SH3RF3: variants seen among roughly 807,000 people sequenced by gnomAD.
SH3RF3 encodes the protein E3 ubiquitin-protein ligase SH3RF3.
In SH3RF3, 29 loss-of-function variants were observed where a neutral mutation model predicts 66.3. The observed-to-expected ratio is 0.44, with a 90% CI of 0.33 to 0.60. The LOEUF (loss-of-function observed/expected upper bound fraction) is 0.60, where lower values mean the gene tolerates loss of function less well. Among genes scored for constraint, SH3RF3 ranks in the 20% least tolerant of loss-of-function variants. The pLI is 0.04. For missense variants in SH3RF3, 1,194 were observed against 1,190.9 expected (o/e 1.00, Z -0.04); for synonymous variants, 583 against 532.0 (o/e 1.10, Z -1.32).
At chr2:109,402,327 C>T (rs970978463) in intron 4 of SH3RF3, among the ~76,000 whole-genome samples, 1 of 152,264 alleles carries the variant, frequency 6.6e-6, no homozygotes, top group Non-Finnish European at 1.5e-5. Context: ...GATTCTCTTC[C>T]CCACCATGCT....
intron 1 of SH3RF3, among the ~76,000 whole-genome samples, chr2:109,237,342 C>T (rs910636749): frequency 4.6e-5 from 7 of 151,708 alleles, no homozygotes; most frequent in Non-Finnish European, 1.0e-4. Flanking sequence ...AAGAGGTACA[C>T]ATTGAAAAAA....
At chr2:109,199,333 TGGA>T (rs1431784235) in intron 1 of SH3RF3, among the ~76,000 whole-genome samples, 3 of 168 alleles carry the variant, frequency 0.018, no homozygotes, top group Non-Finnish European at 0.12. Flanking sequence ...AAAAGTAAAA[TGGA>T]ATGGAATGGA....
At chr2:109,441,910 A>G (rs570835393) in intron 7 of SH3RF3, among the ~76,000 whole-genome samples, 1 of 152,336 alleles carries the variant, frequency 6.6e-6, no homozygotes, top group Admixed American at 6.5e-5. Context: ...TGAAAGAAAT[A>G]TAGCTGTCAA....
At chr2:109,497,881 G>T (rs554223429) in intron 9 of SH3RF3, among the ~76,000 whole-genome samples, 26 of 152,378 alleles carry the variant, frequency 1.7e-4, no homozygotes, top group African/African-American at 6.0e-4. Flanking sequence ...CAAAGTCTGA[G>T]AAATCATCTC....
chr2:109,345,370 G>T (rs1232932751), intron 1 of SH3RF3, among the ~76,000 whole-genome samples: 3 of 152,172 alleles, frequency 2.0e-5, no homozygotes, highest in African/African-American at 7.2e-5. Flanking sequence ...CGAGCCGGCC[G>T]CAGAAGGGAG....
At chr2:109,240,839 C>T (rs1679761640) in intron 1 of SH3RF3, among the ~76,000 whole-genome samples, 1 of 150,666 alleles carries the variant, frequency 6.6e-6, no homozygotes, top group East Asian at 2.0e-4. Flanking sequence ...GGACTCCTGA[C>T]ACCCCCACCC....
chr2:109,497,557 A>G lies in SH3RF3; in HGVS notation c.2481-3946A>G, dbSNP rs191476304. ...GCAGGGCAGAGTTGCTTGCTGATTT[A>G]TGACGCACAGTTGTGACCTGGGAGT... On this transcript the variant is annotated intron_variant, in intron 9 of 9. Coordinates refer to ENST00000309415, the MANE Select transcript of SH3RF3 (RefSeq NM_001099289.3). Among the ~76,000 whole-genome samples the G allele has an allele frequency of 1.6e-3, 251 of 152,348 alleles. 1 individual carries two copies. Among genetic ancestry groups the G allele is most frequent in the Admixed American group, 2.4e-3 (36 of 15,310 alleles).
rs182603422 is a variant in SH3RF3 at position 109,424,048 on chromosome 2, G to C, written c.1403+4406G>C. 2.4e-3 allele frequency among the ~76,000 whole-genome samples: 369 copies of C among 152,316 alleles called. 2 individuals carry two copies. The highest frequency in any genetic ancestry group is 4.3e-3 in the Non-Finnish European group (294 of 68,020). ...TGGAGGGAAGGAGCTGCAGGCCCTG[G>C]TGGTGGCAGCACATCCCCACCGGTA... is the stretch of plus-strand genomic sequence containing the variant. On this transcript the variant is annotated intron_variant, in intron 5 of 9. Coordinates refer to ENST00000309415, the MANE Select transcript of SH3RF3 (RefSeq NM_001099289.3).
At chr2:109,402,938 A>G (rs529777661) in intron 4 of SH3RF3, among the ~76,000 whole-genome samples, 1 of 151,784 alleles carries the variant, frequency 6.6e-6, no homozygotes, top group South Asian at 2.1e-4. Context: ...TGGAGTGGAG[A>G]TGGGCTGCTT....
At chr2:109,266,235 G>A (rs1680489654) in intron 1 of SH3RF3, among the ~76,000 whole-genome samples, 1 of 151,516 alleles carries the variant, frequency 6.6e-6, no homozygotes, top group Non-Finnish European at 1.5e-5. Flanking sequence ...TGTGTATTCA[G>A]TGTGTTGTGT....
intron 1 of SH3RF3, among the ~76,000 whole-genome samples, chr2:109,178,180 A>G (rs941649676): frequency 6.6e-6 from 1 of 152,226 alleles, no homozygotes; most frequent in Non-Finnish European, 1.5e-5. Flanking sequence ...TGAGGCACCA[A>G]TGTACCAAAC....
Position 109,152,182 on chromosome 2 carries a change from G to A in SH3RF3, c.573+22069G>A, listed in dbSNP as rs374407581. Among the ~76,000 whole-genome samples the A allele has an allele frequency of 2.2e-3, 338 of 152,276 alleles. 1 individual carries two copies. Among genetic ancestry groups the A allele is most frequent in the Middle Eastern group, 6.8e-3 (2 of 294 alleles). On this transcript the variant is annotated intron_variant, in intron 1 of 9. Coordinates refer to ENST00000309415, the MANE Select transcript of SH3RF3 (RefSeq NM_001099289.3). Reference sequence around the variant, plus strand: ...TTTCTTCCTAGGAAAAGTGCTCAGCGTCTTAGAAATAAATTATCACAAAAC... The same window carrying A: ...TTTCTTCCTAGGAAAAGTGCTCAGCATCTTAGAAATAAATTATCACAAAAC...
chr2:109,154,111 C>T (rs1214049901), intron 1 of SH3RF3, among the ~76,000 whole-genome samples: 5 of 152,118 alleles, frequency 3.3e-5, no homozygotes, highest in African/African-American at 4.8e-5. Context: ...AGACTTTTAT[C>T]TCGTGTGTTT....
chr2:109,318,131 A>T (rs1681930325), intron 1 of SH3RF3, among the ~76,000 whole-genome samples: 1 of 151,872 alleles, frequency 6.6e-6, no homozygotes, highest in African/African-American at 2.4e-5. Flanking sequence ...AAGCAGAAAA[A>T]CCATTCTAGG....
At chr2:109,261,670 G>A (rs903777803) in intron 1 of SH3RF3, among the ~76,000 whole-genome samples, 2 of 152,186 alleles carry the variant, frequency 1.3e-5, no homozygotes, top group African/African-American at 2.4e-5. Flanking sequence ...GCCCCATGAC[G>A]ACAGGTAAAG....
At chr2:109,365,422 T>C (rs1683136174) in intron 2 of SH3RF3, among the ~76,000 whole-genome samples, 1 of 152,214 alleles carries the variant, frequency 6.6e-6, no homozygotes, top group Non-Finnish European at 1.5e-5. Flanking sequence ...ATTTCCCTAT[T>C]GATCTCTTCA....
At chr2:109,200,714 A>G (rs1678649869) in intron 1 of SH3RF3, among the ~76,000 whole-genome samples, 1 of 152,116 alleles carries the variant, frequency 6.6e-6, no homozygotes, top group South Asian at 2.1e-4. Context: ...TCACCTGCTC[A>G]CAGGCTCTAT....
chr2:109,185,321 A>G (rs1322650714), intron 1 of SH3RF3, among the ~76,000 whole-genome samples: 1 of 152,238 alleles, frequency 6.6e-6, no homozygotes, highest in African/African-American at 2.4e-5. Flanking sequence ...GTGTGTTTGC[A>G]TATTTTTTTA....
chr2:109,397,346 C>T lies in SH3RF3; in HGVS notation c.946-1244C>T, dbSNP rs1676174658. On this transcript the variant is annotated intron_variant, in intron 3 of 9. Coordinates refer to ENST00000309415, the MANE Select transcript of SH3RF3 (RefSeq NM_001099289.3). ...GGGAGAAAGAGTGGAAACTCACAGG[C>T]ATTTACCCAGCCTGATGGCATTTGC... Among the ~76,000 whole-genome samples, 3 of 152,114 alleles carry T rather than the reference C, an allele frequency of 2.0e-5. No homozygotes were observed. The South Asian group carries it at 6.2e-4, about 32-fold the overall frequency.
Sources: gnomAD v4.1 joint callset for allele counts (sites outside exome capture counted in the v4.1 genomes callset) on GRCh38, gnomAD v4.1.1 for gene constraint, MANE v1.5 for transcripts, NCBI Gene and HGNC (gene_info 2026-07-23, HGNC 2026-07-21) for gene names.